The following CACHD1 variants were observed in gnomAD, a reference collection of about 807,000 sequenced individuals.
CACHD1 encodes the protein cache domain containing 1, also known as VWFA and cache domain-containing protein 1.
Under a neutral mutation model 138.7 loss-of-function variants are expected in CACHD1, and 71 were observed. The observed-to-expected ratio is 0.51, with a 90% CI of 0.42 to 0.62. The LOEUF is 0.62. Ranked by LOEUF, CACHD1 falls within the 20% of genes least tolerant of loss-of-function variation. The pLI is 0.00. For missense variants in CACHD1, 1,389 were observed against 1,625.3 expected (o/e 0.85, Z 2.50); for synonymous variants, 578 against 591.5 (o/e 0.98, Z 0.33).
chr1:64,652,519 C>T (rs758427061), intron 10 of CACHD1, among the ~76,000 whole-genome samples: 9 of 152,108 alleles, frequency 5.9e-5, no homozygotes, highest in Non-Finnish European at 1.2e-4. Context: ...GGGTAGGGAA[C>T]GGTTATTTGT....
chr1:64,529,803 C>G (rs139724330), intron 1 of CACHD1, among the ~76,000 whole-genome samples: 217 of 152,310 alleles, frequency 1.4e-3, no homozygotes, highest in African/African-American at 5.1e-3. Flanking sequence ...CTGCCAAGAA[C>G]TATTCTACAG....
chr1:64,541,355 T>C (rs1646675424), intron 1 of CACHD1, among the ~76,000 whole-genome samples: 1 of 149,298 alleles, frequency 6.7e-6, no homozygotes, highest in Non-Finnish European at 1.5e-5. Context: ...ATGTAAACAA[T>C]ATTGGTTTTT....
At chr1:64,584,827 A>G (rs891466471) in intron 3 of CACHD1, among the ~76,000 whole-genome samples, 1 of 152,232 alleles carries the variant, frequency 6.6e-6, no homozygotes, top group African/African-American at 2.4e-5. Context: ...CTAGAAATGT[A>G]TAAGTTACTG....
At chr1:64,495,878 A>G (rs1646303588) in intron 1 of CACHD1, among the ~76,000 whole-genome samples, 1 of 152,132 alleles carries the variant, frequency 6.6e-6, no homozygotes, top group Non-Finnish European at 1.5e-5. Flanking sequence ...AAATACAACA[A>G]AAGTTGGAAT....
rs186888861 is a variant in CACHD1 at position 64,525,413 on chromosome 1, C to T, written c.199-25181C>T. Among the ~76,000 whole-genome samples, 156 of 152,254 alleles carry T rather than the reference C, an allele frequency of 1.0e-3. 1 individual carries two copies. In the Middle Eastern group the frequency reaches 0.031, roughly 30 times the overall value. ...ACCTATCAGACATTCTTTTCCTCCC[C>T]GGTAAGATGAGCAGTTCATATTAGA... On this transcript the variant is annotated intron_variant, in intron 1 of 26. Coordinates refer to ENST00000651257, the MANE Select transcript of CACHD1 (RefSeq NM_020925.4).
At chr1:64,475,459 C>G (rs1646169582) in intron 1 of CACHD1, among the ~76,000 whole-genome samples, 1 of 152,142 alleles carries the variant, frequency 6.6e-6, no homozygotes, top group African/African-American at 2.4e-5. Flanking sequence ...AGCTACTGTG[C>G]CTGTCCTGCA....
intron 1 of CACHD1, among the ~76,000 whole-genome samples, chr1:64,540,585 G>A (rs1646669813): frequency 6.6e-6 from 1 of 152,090 alleles, no homozygotes; most frequent in Non-Finnish European, 1.5e-5. Context: ...AACCTTTATT[G>A]CATTTAGGGA....
intron 1 of CACHD1, among the ~76,000 whole-genome samples, chr1:64,493,370 G>A (rs1052632880): frequency 3.3e-5 from 5 of 152,170 alleles, no homozygotes; most frequent in African/African-American, 4.8e-5. Flanking sequence ...CCCATGAGGG[G>A]CTTAATAAAT....
In CACHD1 at chr1:64,558,713, C is replaced by T. The variant is rs576229411; in HGVS notation, c.261+8057C>T. 2.0e-5 allele frequency among the ~76,000 whole-genome samples: 3 copies of T among 152,222 alleles called. 1 individual carries two copies. The South Asian group carries it at 6.2e-4, about 32-fold the overall frequency. ...AGCTATCAACAGAGTAAATAGGCAACCTACAGAAAGGGAGAAAATTTTTGC... is the reference window on the plus strand; with the variant it reads ...AGCTATCAACAGAGTAAATAGGCAATCTACAGAAAGGGAGAAAATTTTTGC... On this transcript the variant is annotated intron_variant, in intron 2 of 26. Coordinates refer to ENST00000651257, the MANE Select transcript of CACHD1 (RefSeq NM_020925.4).
chr1:64,675,766 T>C (rs1649964626), intron 20 of CACHD1, 131 bp from the exon 21 acceptor site: 9 of 708,848 alleles, frequency 1.3e-5, no homozygotes, highest in African/African-American at 1.8e-5. Context: ...GTATTTAACC[T>C]TTGGCTGTAA....
intron 1 of CACHD1, among the ~76,000 whole-genome samples, chr1:64,501,325 C>G (rs1482243520): frequency 6.6e-6 from 1 of 152,168 alleles, no homozygotes; most frequent in East Asian, 1.9e-4. Flanking sequence ...TCTTGCCTCT[C>G]TTGGAGTTCA....
chr1:64,527,774 G>A (rs1297547101), intron 1 of CACHD1, among the ~76,000 whole-genome samples: 1 of 152,190 alleles, frequency 6.6e-6, no homozygotes, highest in Non-Finnish European at 1.5e-5. Flanking sequence ...GGGTCAGCAA[G>A]TACTGATGTT....
intron 2 of CACHD1, among the ~76,000 whole-genome samples, chr1:64,571,112 A>G (rs11803635): frequency 0.073 from 11,042 of 152,214 alleles, 467 homozygotes; most frequent in African/African-American, 0.096. Flanking sequence ...GTAGGACCAG[A>G]AGAGAAAGTG....
intron 8 of CACHD1, among the ~76,000 whole-genome samples, chr1:64,645,915 C>T (rs912846884): frequency 6.6e-6 from 1 of 152,142 alleles, no homozygotes; most frequent in Non-Finnish European, 1.5e-5. Context: ...GCACCTTTAA[C>T]CTGGTAGCAT....
intron 1 of CACHD1, among the ~76,000 whole-genome samples, chr1:64,473,349 A>G (rs1009266849): frequency 2.6e-5 from 4 of 151,998 alleles, no homozygotes; most frequent in African/African-American, 9.7e-5. Context: ...TGCAGGTTAG[A>G]TTTTTGGCCT....
At chr1:64,642,990 G>A (rs925340063) in intron 8 of CACHD1, among the ~76,000 whole-genome samples, 1 of 133,586 alleles carries the variant, frequency 7.5e-6, no homozygotes, top group East Asian at 2.4e-4. Context: ...AGTGAGCTGA[G>A]ATTGCAGCAC....
intron 13 of CACHD1, among the ~76,000 whole-genome samples, chr1:64,659,078 C>T (rs1484184446): frequency 2.0e-5 from 3 of 151,992 alleles, no homozygotes; most frequent in Admixed American, 6.6e-5. Context: ...TTCGTGTGCT[C>T]GCGATTTATA....
chr1:64,676,951 G>C lies in CACHD1; in HGVS notation c.3032G>C (p.Gly1011Ala). ...GTGACATACACAGCTATTGACCCTG[G>C]CCTGCAAGATGCTCTTCACCAGTGT... ...EPVTYTAIDP[G>A]LQDALHQCVN... The change falls in exon 22 of 27, where the codon GGC (glycine) becomes GCC (alanine). Residue 1011 changes from glycine (G) to alanine (A), a missense_variant. Coordinates refer to ENST00000651257, the MANE Select transcript of CACHD1 (RefSeq NM_020925.4). The C allele has an allele frequency of 6.2e-7, 1 of 1,614,036 alleles. No individual in the cohort carries two copies. The highest frequency in any genetic ancestry group is 8.5e-7 in the Non-Finnish European group (1 of 1,179,940).
chr1:64,599,950 C>T lies in CACHD1; in HGVS notation c.411-2856C>T, dbSNP rs368697776. Among the ~76,000 whole-genome samples, 13 of 152,260 alleles carry T rather than the reference C, an allele frequency of 8.5e-5. 1 individual carries two copies. Among genetic ancestry groups the T allele is most frequent in the Admixed American group, 4.6e-4 (7 of 15,298 alleles). ...CCTGGGAAGATTTGTCAGTAACCCTCTTGAGTTGCAAGTTCTTCTTTATTT... is the reference window on the plus strand; with the variant it reads ...CCTGGGAAGATTTGTCAGTAACCCTTTTGAGTTGCAAGTTCTTCTTTATTT... On this transcript the variant is annotated intron_variant, in intron 3 of 26. Transcript: ENST00000651257.
Sources: allele counts gnomAD v4.1 joint callset (sites outside exome capture counted in the v4.1 genomes callset), GRCh38; gene constraint gnomAD v4.1.1; transcripts MANE v1.5; gene names NCBI Gene and HGNC (gene_info 2026-07-23, HGNC 2026-07-21).